MCCC1: variants seen among roughly 807,000 people sequenced by gnomAD.
MCCC1 encodes the protein methylcrotonyl-CoA carboxylase subunit 1.
Under a neutral mutation model 83.8 loss-of-function variants are expected in MCCC1, and 64 were observed. The ratio of observed to expected loss-of-function variants is 0.76; its 90% CI spans 0.62 to 0.94. MCCC1 has a LOEUF of 0.94. Ranked by LOEUF, MCCC1 falls within the 40% of genes least tolerant of loss-of-function variation. MCCC1 has a pLI of 0.00. For synonymous variants in MCCC1, 322 were observed against 315.4 expected, an observed-to-expected ratio of 1.02 and a Z score of -0.22; for missense variants, 807 against 904.7, an observed-to-expected ratio of 0.89 and a Z score of 1.39.
intron 1 of MCCC1, among the ~76,000 whole-genome samples, chr3:183,095,757 T>C (rs1474036345): frequency 6.6e-6 from 1 of 152,146 alleles, no homozygotes; most frequent in Non-Finnish European, 1.5e-5. Context: ...TTTAATAGCT[T>C]GGGCTTCAGT....
At chr3:183,039,331 C>T (rs1577271095) in intron 11 of MCCC1, among the ~76,000 whole-genome samples, 196 bp from the exon 12 acceptor site, 1 of 152,280 alleles carries the variant, frequency 6.6e-6, no homozygotes, top group East Asian at 1.9e-4. Context: ...ACGAGGTGGG[C>T]CACCCAACAG....
intron 11 of MCCC1, among the ~76,000 whole-genome samples, chr3:183,040,098 GAAAAAAAAAA>G (rs57389038): frequency 2.9e-5 from 1 of 34,594 alleles, no homozygotes; most frequent in African/African-American, 1.0e-4. Context: ...CTCCATCTCA[GAAAAAAAAAA>G]AAAAAAAAAA....
rs1417892958 is a variant in MCCC1, at chr3:183,039,142, T to C, written c.1268-7A>G. 1 of 1,613,794 alleles carries C rather than the reference T, an allele frequency of 6.2e-7. No homozygotes were observed. Among genetic ancestry groups the C allele is most frequent in the Non-Finnish European group, 8.5e-7 (1 of 1,179,754 alleles). On this transcript the variant is annotated splice_polypyrimidine_tract_variant and splice_region_variant and intron_variant, in intron 11 of 18. Coordinates refer to ENST00000265594, the MANE Select transcript of MCCC1 (RefSeq NM_020166.5). ...TGCACGGAAACTTCGTCTCCTGAAA[T>C]TGAAAACCACGGTAACCTCTTCAAG...
At chr3:183,072,855 T>G (rs6443849) in intron 4 of MCCC1, among the ~76,000 whole-genome samples, 136,297 of 152,132 alleles carry the variant, frequency 0.9, 61,438 homozygotes, top group East Asian at 1. Context: ...ATTCCCTCCC[T>G]TTCCTTAGTC....
intron 8 of MCCC1, among the ~76,000 whole-genome samples, chr3:183,053,057 C>G (rs1444178942): frequency 6.6e-6 from 1 of 151,898 alleles, no homozygotes; most frequent in Non-Finnish European, 1.5e-5. Flanking sequence ...TGTTATTGAC[C>G]CTGAAAACTT....
intron 17 of MCCC1, among the ~76,000 whole-genome samples, chr3:183,019,448 T>C (rs1711961877): frequency 6.6e-6 from 1 of 152,152 alleles, no homozygotes. Flanking sequence ...GAAAGAGGCC[T>C]GAAGAGAGGT....
rs12486983 is a variant in MCCC1, at chr3:183,015,759, T to C, written c.2050-193A>G. Among the ~76,000 whole-genome samples, 86,817 of 151,956 alleles carry C rather than the reference T, an allele frequency of 0.57. 28,076 individuals are homozygous for C. Among genetic ancestry groups the C allele is most frequent in the Non-Finnish European group, 0.74 (49,974 of 67,960 alleles). On this transcript the variant is annotated intron_variant, in intron 18 of 18. Transcript: ENST00000265594. ...ACATCACAGCACACAGGGAGAACAGTAACAAGTTGAGAGGAATGAACACTG... is the reference window on the plus strand; with the variant it reads ...ACATCACAGCACACAGGGAGAACAGCAACAAGTTGAGAGGAATGAACACTG...
At chr3:183,105,085 C>T (rs2108583536) in intron 1 of MCCC1, among the ~76,000 whole-genome samples, 1 of 152,346 alleles carries the variant, frequency 6.6e-6, no homozygotes, top group South Asian at 2.1e-4. Context: ...TGGCTCACGC[C>T]TGTAATCCCA....
rs1397012708 is a variant in MCCC1, at chr3:183,025,773, A to G, written c.1713T>C (p.Asp571=). 3 of 1,614,052 alleles carry G rather than the reference A, an allele frequency of 1.9e-6. No homozygotes were observed. The change falls in exon 15 of 19, where the codon GAT becomes GAC. Residue 571 remains aspartate (D), a synonymous_variant. Coordinates refer to ENST00000265594, the MANE Select transcript of MCCC1 (RefSeq NM_020166.5). ...GGCTTACCTGCATGCTATAAGACCC[A>G]TCATGGTTATACGTTACAGCTATGG... is the stretch of plus-strand genomic sequence containing the variant. ...NVAIAVTYNH[D]GSYSMQIEDK...
chr3:183,062,907 GA>G (rs1715954256), intron 7 of MCCC1, among the ~76,000 whole-genome samples: 1 of 152,128 alleles, frequency 6.6e-6, no homozygotes, highest in African/African-American at 2.4e-5. Flanking sequence ...AGTACGGCCA[GA>G]GAGACAGACA....
At chr3:183,059,782 C>T (rs1379662037) in intron 7 of MCCC1, among the ~76,000 whole-genome samples, 1 of 152,176 alleles carries the variant, frequency 6.6e-6, no homozygotes, top group Non-Finnish European at 1.5e-5. Context: ...ATACAGAAGA[C>T]TAGGTTAGTA....
intron 1 of MCCC1, chr3:183,099,013 T>C: frequency 2.1e-6 from 1 of 478,314 alleles, no homozygotes; most frequent in Non-Finnish European, 3.8e-6. Flanking sequence ...CGCTCCCACC[T>C]AAGGGGTGCT....
intron 10 of MCCC1, 43 bp downstream of exon 10, chr3:183,045,370 G>T (rs753097140): frequency 6.2e-7 from 1 of 1,609,484 alleles, no homozygotes; most frequent in Non-Finnish European, 8.5e-7. Context: ...TTGAGCCACC[G>T]CACCCAGCCA....
chr3:183,033,874 G>T, intron 14 of MCCC1, 117 bp downstream of exon 14: 1 of 746,032 alleles, frequency 1.3e-6, no homozygotes, highest in Non-Finnish European at 2.3e-6. Context: ...CCAATGTTTA[G>T]CCTAGGCATT....
intron 16 of MCCC1, among the ~76,000 whole-genome samples, chr3:183,021,908 T>G (rs1712189397): frequency 6.6e-6 from 1 of 152,120 alleles, no homozygotes; most frequent in South Asian, 2.1e-4. Flanking sequence ...ACCAAAACCA[T>G]GCAAAGCCTG....
At chr3:183,070,927 T>C (rs1441885036) in intron 7 of MCCC1, 72 bp downstream of exon 7, 10 of 1,487,680 alleles carry the variant, frequency 6.7e-6, no homozygotes, top group Non-Finnish European at 9.2e-6. Context: ...TTTTATATTT[T>C]ATAGAATGTG....
chr3:183,092,681 C>A, intron 2 of MCCC1, 136 bp from the exon 3 acceptor site: 1 of 976,486 alleles, frequency 1.0e-6, no homozygotes, highest in Non-Finnish European at 1.5e-6. Context: ...CATAACTGAG[C>A]CCAAAATGAC....
intron 15 of MCCC1, among the ~76,000 whole-genome samples, chr3:183,023,619 T>G (rs1347277916): frequency 6.6e-6 from 1 of 152,214 alleles, no homozygotes. Context: ...AGGCAGACTT[T>G]CCATGGTTTT....
chr3:183,071,450 T>C (rs1162294012), intron 5 of MCCC1, 93 bp from the exon 6 acceptor site: 41 of 1,561,836 alleles, frequency 2.6e-5, no homozygotes, highest in Non-Finnish European at 3.4e-5. Context: ...TAAATTACAA[T>C]GGAACTCTTT....
Sources: allele counts gnomAD v4.1 joint callset (sites outside exome capture counted in the v4.1 genomes callset), GRCh38; gene constraint gnomAD v4.1.1; transcripts MANE v1.5; gene names NCBI Gene and HGNC (gene_info 2026-07-23, HGNC 2026-07-21).